Variants in SNAPC4 observed in about 807,000 individuals in gnomAD.
SNAPC4 encodes the protein snRNA-activating protein complex subunit 4.
In SNAPC4, 127 loss-of-function variants were observed where a neutral mutation model predicts 151.3. That is an observed-to-expected ratio of 0.84 (90% CI 0.73 to 0.97). The LOEUF (loss-of-function observed/expected upper bound fraction) is 0.97. Among genes scored for constraint, SNAPC4 ranks in the 50% least tolerant of loss-of-function variants. The pLI is 0.00. For missense variants in SNAPC4, 2,186 were observed against 1,935.0 expected (o/e 1.13, Z -2.43); for synonymous variants, 1,002 against 824.4 (o/e 1.22, Z -3.69).
intron 10 of SNAPC4, among the ~76,000 whole-genome samples, chr9:136,391,517 C>T (rs544029991): frequency 5.3e-5 from 8 of 152,184 alleles, no homozygotes; most frequent in East Asian, 3.9e-4. Flanking sequence ...TAACAAGCCT[C>T]GTTATCAAGA....
chr9:136,399,455 G>C (rs1269568364), intron 1 of SNAPC4, among the ~76,000 whole-genome samples: 2 of 152,226 alleles, frequency 1.3e-5, no homozygotes, highest in Admixed American at 6.5e-5. Flanking sequence ...GGCCGGCGGA[G>C]ACGCTTTCCT....
intron 10 of SNAPC4, among the ~76,000 whole-genome samples, chr9:136,391,571 A>G (rs559722986): frequency 6.6e-6 from 1 of 152,382 alleles, no homozygotes; most frequent in East Asian, 1.9e-4. Context: ...TACTCAGGAA[A>G]CCAGAAAAGC....
chr9:136,384,951 T>G (rs1366909320), intron 13 of SNAPC4, 137 bp from the exon 14 acceptor site: 1 of 528,932 alleles, frequency 1.9e-6, no homozygotes, highest in East Asian at 3.2e-5. Context: ...TAAAGTAGAC[T>G]TCATCAAAAG....
chr9:136,379,946 C>A, intron 20 of SNAPC4, 82 bp from the exon 21 acceptor site: 1 of 1,474,106 alleles, frequency 6.8e-7, no homozygotes, highest in African/African-American at 1.4e-5. Flanking sequence ...TGGACTATCC[C>A]CTGCCACTCC....
Position 136,377,754 on chromosome 9 carries a change from T to C in SNAPC4, c.4073A>G (p.Asn1358Ser). The C allele has an allele frequency of 6.2e-7, 1 of 1,610,408 alleles. No homozygotes were observed. Among genetic ancestry groups the C allele is most frequent in the Non-Finnish European group, 8.5e-7 (1 of 1,178,510 alleles). ...CGCCCGCAACAGGAGGTAGGCCGGG[T>C]TGTCCTGGAGCTGCCCCCGCACCAG... The part of the protein sequence containing the change: ...LGLVRGQLQD[N>S]PAYLLLRARF... Residue 1358 changes from asparagine to serine, a missense_variant, in exon 22 of 24, where the codon AAC becomes AGC. Physicochemically the swap from Asn to Ser is conservative, Grantham distance 46. Coordinates refer to ENST00000684778, the MANE Select transcript of SNAPC4 (RefSeq NM_003086.4).
At chr9:136,396,651 G>A (rs1834284034) in intron 3 of SNAPC4, among the ~76,000 whole-genome samples, 1 of 152,176 alleles carries the variant, frequency 6.6e-6, no homozygotes, top group South Asian at 2.1e-4. Flanking sequence ...AGGAATCTGA[G>A]GCACAGAGAG....
intron 2 of SNAPC4, among the ~76,000 whole-genome samples, chr9:136,397,662 G>A (rs1465070146): frequency 7.2e-5 from 7 of 96,858 alleles, no homozygotes; most frequent in Non-Finnish European, 1.3e-4. Flanking sequence ...CGTGGGGAGG[G>A]GAGCACGTGG....
intron 10 of SNAPC4, 109 bp from the exon 11 acceptor site, chr9:136,388,700 C>T: frequency 7.7e-7 from 1 of 1,306,694 alleles, no homozygotes; most frequent in East Asian, 2.3e-5. Flanking sequence ...CTGGGGTGAC[C>T]CTTCTGCAGA....
chr9:136,381,374 T>G lies in SNAPC4; in HGVS notation c.2336A>C (p.Gln779Pro), dbSNP rs752592260. 3.1e-6 allele frequency: 5 copies of G among 1,612,778 alleles called. No homozygotes were observed. The highest frequency in any genetic ancestry group is 1.7e-5 in the Admixed American group (1 of 60,030). The change falls in exon 19 of 24, where the codon CAG becomes CCG. Residue 779 changes from glutamine to proline, a missense_variant. Physicochemically the swap from Gln to Pro is moderately conservative, Grantham distance 76 (BLOSUM62 -1). Transcript: ENST00000684778. ...GCTGGCCAGGCGGGCCTGCTGCAGC[T>G]GCTCCCTGAGGCCATCCGCTGCGGG... ...VQTQADGLRE[Q>P]LQQARLASTP...
chr9:136,391,533 G>A (rs1290623302), intron 10 of SNAPC4, among the ~76,000 whole-genome samples: 2 of 150,686 alleles, frequency 1.3e-5, no homozygotes, highest in Admixed American at 6.7e-5. Flanking sequence ...CAAGACAAGA[G>A]ACCCAAGTCA....
chr9:136,384,653 T>C (rs1248393944), intron 14 of SNAPC4, 67 bp downstream of exon 14: 1 of 841,114 alleles, frequency 1.2e-6, no homozygotes, highest in Middle Eastern at 2.2e-4. Context: ...GTCTTTATCT[T>C]GATCTCTTTT....
At chr9:136,392,383 C>A (rs1834108640) in intron 9 of SNAPC4, 139 bp downstream of exon 9, 3 of 912,946 alleles carry the variant, frequency 3.3e-6, no homozygotes, top group Non-Finnish European at 5.3e-6. Flanking sequence ...GGGACATGTG[C>A]TTGACCCGGG....
chr9:136,396,574 A>C (rs1834281923), intron 3 of SNAPC4, among the ~76,000 whole-genome samples: 1 of 152,192 alleles, frequency 6.6e-6, no homozygotes, highest in African/African-American at 2.4e-5. Context: ...GTGCCACTGC[A>C]CCAGCTAATT....
rs765264912 is a variant in SNAPC4, at chr9:136,384,694, A to G, written c.1420+26T>C. On this transcript the variant is annotated intron_variant, in intron 14 of 23. Coordinates refer to ENST00000684778, the MANE Select transcript of SNAPC4 (RefSeq NM_003086.4). ...AAACAAAAAACAAAAAAAAGAAACTAGAAGAACAAACTGTCAGCAACTTAC... is the reference window on the plus strand; with the variant it reads ...AAACAAAAAACAAAAAAAAGAAACTGGAAGAACAAACTGTCAGCAACTTAC... 2.9e-5 allele frequency: 34 copies of G among 1,153,944 alleles called. No homozygotes were observed. The Admixed American group carries it at 6.4e-4, about 22-fold the overall frequency. 71.5% of individuals were successfully genotyped at this position (1,153,944 alleles called of 1,614,324 possible).
In SNAPC4 at chr9:136,378,841, C is replaced by T. The variant is rs537496285; in HGVS notation, c.2986G>A (p.Ala996Thr). ...GAAGCAGCAGGGGCTGTGCCCTCGG[C>T]CTCTGAGAAGACAGGAGCGAGGGGC... The part of the protein sequence containing the change: ...ALPLAPVFSE[A>T]EGTAPAASQA... Residue 996 changes from alanine (A) to threonine (T), a missense_variant, in exon 22 of 24, where the codon GCC becomes ACC. Transcript: ENST00000684778. 2 of 1,605,792 alleles carry T rather than the reference C, an allele frequency of 1.2e-6. No individual in the cohort carries two copies. The highest frequency in any genetic ancestry group is 8.5e-7 in the Non-Finnish European group (1 of 1,176,516).
intron 9 of SNAPC4, 148 bp from the exon 10 acceptor site, chr9:136,392,254 C>A: frequency 1.0e-6 from 1 of 998,414 alleles, no homozygotes; most frequent in South Asian, 1.4e-5. Flanking sequence ...CTAGGCCTTG[C>A]ATAGCCAAAC....
rs9411258 is a variant in SNAPC4, at chr9:136,383,768, C to T, written c.1501-100G>A. ...CTTTGGGGAGAGGCCCAAGCGGGGG[C>T]GCCTCCGGGGTCAAGAGCAGCCGCT... On this transcript the variant is annotated intron_variant, in intron 15 of 23. Coordinates refer to ENST00000684778, the MANE Select transcript of SNAPC4 (RefSeq NM_003086.4). The surrounding 1 kb of genome is among the most constrained non-coding windows in gnomAD (Gnocchi z 4.2). The T allele has an allele frequency of 4.7e-6, 7 of 1,481,060 alleles. No individual in the cohort carries two copies. In the Admixed American group the frequency reaches 5.8e-5, roughly 12 times the overall value. The allele number at this position is 1,481,060 out of a possible 1,614,324, so 91.7% of individuals were successfully genotyped here.
chr9:136,388,629 C>A (rs368852439), intron 10 of SNAPC4, 38 bp from the exon 11 acceptor site: 4 of 1,611,892 alleles, frequency 2.5e-6, no homozygotes, highest in Admixed American at 3.3e-5. Flanking sequence ...AGTGTTACTG[C>A]GCGGCAGGAT....
At position 136,381,314 on chromosome 9, in the gene SNAPC4, T is replaced by G. The variant is rs758080343; in HGVS notation, c.2388+8A>C. ...AAAGGAAAACGAAGCTCTGCCCAAG[T>G]AGCTTACCTGGGTAAACAGGGTAAA... On this transcript the variant is annotated splice_region_variant and intron_variant, in intron 19 of 23. Transcript: ENST00000684778. 1.2e-6 allele frequency: 2 copies of G among 1,609,744 alleles called. No individual in the cohort carries two copies. The highest frequency in any genetic ancestry group is 2.7e-5 in the African/African-American group (2 of 74,852).
Sources: allele counts gnomAD v4.1 joint callset (sites outside exome capture counted in the v4.1 genomes callset), GRCh38; gene constraint gnomAD v4.1.1; non-coding constraint Gnocchi (gnomAD v3.1); transcripts MANE v1.5; gene names NCBI Gene and HGNC (gene_info 2026-07-23, HGNC 2026-07-21).